GREB1: variants seen among roughly 807,000 people sequenced by gnomAD.
GREB1 encodes the protein growth regulating estrogen receptor binding 1.
In GREB1, 106 loss-of-function variants were observed where a neutral mutation model predicts 200.7. The ratio of observed to expected loss-of-function variants is 0.53; its 90% confidence interval spans 0.45 to 0.62. The LOEUF (loss-of-function observed/expected upper bound fraction) is 0.62. GREB1 is among the 20% of genes least tolerant of loss of function. GREB1 has a pLI of 0.00. For missense variants in GREB1, 2,243 were observed against 2,556.8 expected, an observed-to-expected ratio of 0.88 and a Z score of 2.65; for synonymous variants, 1,132 against 1,092.4, an observed-to-expected ratio of 1.04 and a Z score of -0.72.
intron 1 of GREB1, among the ~76,000 whole-genome samples, chr2:11,482,901 G>T (rs939792883): frequency 4.0e-5 from 6 of 151,438 alleles, no homozygotes; most frequent in Admixed American, 6.6e-5. Flanking sequence ...GGCTGGGCTA[G>T]CCTCCGTCGG....
At chr2:11,557,927 G>C (rs943458085) in intron 2 of GREB1, among the ~76,000 whole-genome samples, 3 of 152,166 alleles carry the variant, frequency 2.0e-5, no homozygotes, top group Non-Finnish European at 4.4e-5. Flanking sequence ...TTTATGGACT[G>C]TTTTTGGCCA....
intron 1 of GREB1, chr2:11,540,825 A>G (rs1363983093): frequency 1.3e-5 from 2 of 152,800 alleles, no homozygotes; most frequent in Admixed American, 6.5e-5. Context: ...GCCGTGTCAT[A>G]TATTGGGGGC....
chr2:11,623,013 C>T (rs1175057837), intron 23 of GREB1, among the ~76,000 whole-genome samples: 1 of 152,192 alleles, frequency 6.6e-6, no homozygotes, highest in African/African-American at 2.4e-5. Context: ...CCCAGCAGCC[C>T]ACGGACTCAA....
chr2:11,528,047 T>C (rs1156504601), intron 1 of GREB1, among the ~76,000 whole-genome samples: 1 of 152,180 alleles, frequency 6.6e-6, no homozygotes, highest in East Asian at 1.9e-4. Context: ...CTTTCTCAGG[T>C]TGTAAAATCA....
At chr2:11,519,113 A>G (rs898241698) in intron 1 of GREB1, among the ~76,000 whole-genome samples, 5 of 151,930 alleles carry the variant, frequency 3.3e-5, no homozygotes, top group Non-Finnish European at 7.4e-5. Context: ...AAAAAAAAAA[A>G]AAGGAAAAAT....
At chr2:11,508,502 C>T (rs915085516) in intron 1 of GREB1, among the ~76,000 whole-genome samples, 1 of 152,210 alleles carries the variant, frequency 6.6e-6, no homozygotes, top group Non-Finnish European at 1.5e-5. Flanking sequence ...CCCAGTGTGG[C>T]AAAGGTTTGT....
intron 10 of GREB1, chr2:11,591,541 A>G (rs1479950880): frequency 1.4e-6 from 1 of 695,222 alleles, no homozygotes; most frequent in African/African-American, 1.8e-5. Flanking sequence ...TTCTGAATTA[A>G]TAACCCAAAT....
intron 1 of GREB1, among the ~76,000 whole-genome samples, chr2:11,483,040 C>A (rs1672545033): frequency 6.6e-6 from 1 of 151,542 alleles, no homozygotes; most frequent in Non-Finnish European, 1.5e-5. Context: ...GGCGGGCACT[C>A]GGCGCCCGGC....
At chr2:11,533,793 A>G (rs573365280), upstream of GREB1, among the ~76,000 whole-genome samples, 5 of 152,286 alleles carry the variant, frequency 3.3e-5, no homozygotes, top group African/African-American at 1.2e-4. Flanking sequence ...TCTGCACACC[A>G]TGCTCTCCCG....
chr2:11,492,190 G>A lies in GREB1; in HGVS notation c.-159+9809G>A, dbSNP rs79546734. Among the ~76,000 whole-genome samples, 1,599 of 152,290 alleles carry A rather than the reference G, an allele frequency of 0.01. 34 individuals are homozygous for A. The highest frequency in any genetic ancestry group is 0.037 in the African/African-American group (1,537 of 41,550). ...CTGGGATTGTTCACCTAGCACTGGA[G>A]CATCGTCATGGACACGCCAGGCCTG... On this transcript the variant is annotated intron_variant, in intron 1 of 2. Transcript: ENST00000628795. This position sits in a 1 kb window ranked among gnomAD's most constrained non-coding sequence, Gnocchi z 4.0.
chr2:11,488,852 G>A (rs1350938722), intron 1 of GREB1, among the ~76,000 whole-genome samples: 3 of 144,236 alleles, frequency 2.1e-5, no homozygotes, highest in Non-Finnish European at 4.5e-5. Context: ...CTGAACTGGG[G>A]CATATGTAGG....
In GREB1 at chr2:11,633,101, C is replaced by T. The variant is rs528453962; in HGVS notation, c.4991+38C>T. On this transcript the variant is annotated intron_variant, in intron 28 of 32. Coordinates refer to ENST00000381486, the MANE Select transcript of GREB1 (RefSeq NM_014668.4). This position sits in a 1 kb window ranked among gnomAD's most constrained non-coding sequence, Gnocchi z 4.1. ...GAGAGCACCACCTCCTGCCACCCTA[C>T]GAATGATGACCAACGAGTGTGCCCT... 14 of 1,598,646 alleles carry T rather than the reference C, an allele frequency of 8.8e-6. No homozygotes were observed. In the Admixed American group the frequency reaches 1.5e-4, roughly 17 times the overall value.
chr2:11,587,839 GC>G (rs1680321197), intron 9 of GREB1: 1 of 1,031,166 alleles, frequency 9.7e-7, no homozygotes, highest in Non-Finnish European at 1.2e-6. Context: ...GGGCAGTTAA[GC>G]TTCTTGCTTA....
At chr2:11,510,128 T>C (rs1673308277) in intron 1 of GREB1, among the ~76,000 whole-genome samples, 1 of 152,236 alleles carries the variant, frequency 6.6e-6, no homozygotes, top group African/African-American at 2.4e-5. Context: ...CTTACTGGAC[T>C]TGGCTGATTG....
At chr2:11,483,094 G>C (rs1672547118) in intron 1 of GREB1, among the ~76,000 whole-genome samples, 1 of 151,964 alleles carries the variant, frequency 6.6e-6, no homozygotes, top group Non-Finnish European at 1.5e-5. Context: ...CCTGGCCCTG[G>C]TCCCGGGAAG....
chr2:11,496,039 G>GTGCC (rs1672876686), intron 1 of GREB1, among the ~76,000 whole-genome samples: 1 of 152,272 alleles, frequency 6.6e-6, no homozygotes, highest in African/African-American at 2.4e-5. Flanking sequence ...GTTTGAGGCT[G>GTGCC]TGCCTGACTG....
intron 1 of GREB1, among the ~76,000 whole-genome samples, chr2:11,537,323 A>G (rs6758730): frequency 0.24 from 36,377 of 152,028 alleles, 5,946 homozygotes; most frequent in African/African-American, 0.46. Flanking sequence ...GGCAAGCTTC[A>G]TATTGGTAAG....
At chr2:11,614,753 C>T (rs956553602) in intron 19 of GREB1, among the ~76,000 whole-genome samples, 2 of 152,032 alleles carry the variant, frequency 1.3e-5, no homozygotes, top group Non-Finnish European at 2.9e-5. Context: ...TTAGTAGAGA[C>T]GGGGTTTCAC....
intron 11 of GREB1, among the ~76,000 whole-genome samples, chr2:11,594,257 G>A (rs533948468): frequency 2.3e-4 from 35 of 151,808 alleles, no homozygotes; most frequent in African/African-American, 8.2e-4. Context: ...CAGTCCACCC[G>A]CCTCAGTCTC....
Sources: allele counts gnomAD v4.1 joint callset (sites outside exome capture counted in the v4.1 genomes callset), GRCh38; gene constraint gnomAD v4.1.1; non-coding constraint Gnocchi (gnomAD v3.1); transcripts MANE v1.5; gene names NCBI Gene and HGNC (gene_info 2026-07-23, HGNC 2026-07-21).